The following FER variants were observed in gnomAD, a reference collection of about 807,000 sequenced individuals.
FER encodes FER tyrosine kinase, also known as tyrosine-protein kinase Fer.
In FER, 63 loss-of-function variants were observed where a neutral mutation model predicts 111.0. The observed-to-expected ratio is 0.57, with a 90% CI of 0.46 to 0.70. FER has a LOEUF of 0.70. Ranked by LOEUF, FER falls within the 30% of genes least tolerant of loss-of-function variation. FER has a pLI of 0.00. For missense variants in FER, 914 were observed against 954.0 expected, an observed-to-expected ratio of 0.96 and a Z score of 0.55; for synonymous variants, 327 against 313.9, an observed-to-expected ratio of 1.04 and a Z score of -0.44.
At chr5:109,015,316 G>A (rs929363204) in intron 13 of FER, among the ~76,000 whole-genome samples, 1 of 151,910 alleles carries the variant, frequency 6.6e-6, no homozygotes. Context: ...ACCAGTTCTT[G>A]GCGTCAAATA....
At position 109,022,819 on chromosome 5, in the gene FER, C is replaced by T. The variant is rs556518296; in HGVS notation, c.1657-14603C>T. Among the ~76,000 whole-genome samples, 3 of 152,130 alleles carry T rather than the reference C, an allele frequency of 2.0e-5. No individual in the cohort carries two copies. In the South Asian group the frequency reaches 6.2e-4, roughly 32 times the overall value. On this transcript the variant is annotated intron_variant, in intron 13 of 19. Coordinates refer to ENST00000281092, the MANE Select transcript of FER (RefSeq NM_005246.4). ...GATCAAAATCAACAATAACCAGATGCTTCATCTGCATAAAGAATCAAAAGA... is the reference window on the plus strand; with the variant it reads ...GATCAAAATCAACAATAACCAGATGTTTCATCTGCATAAAGAATCAAAAGA...
intron 17 of FER, among the ~76,000 whole-genome samples, chr5:109,173,712 AAAT>A (rs1325584111): frequency 6.6e-6 from 1 of 152,014 alleles, no homozygotes; most frequent in Non-Finnish European, 1.5e-5. Context: ...TTATCTATTC[AAAT>A]AATTTCTGCT....
intron 13 of FER, among the ~76,000 whole-genome samples, chr5:109,027,953 C>T (rs1177940173): frequency 6.6e-6 from 1 of 152,032 alleles, no homozygotes; most frequent in Non-Finnish European, 1.5e-5. Flanking sequence ...ATAGTGTTTT[C>T]ATTAAAAGTA....
chr5:108,844,990 GTGTGTGTATATATATATATATATATATA>G (rs1561502254), intron 5 of FER, among the ~76,000 whole-genome samples: 5 of 41,814 alleles, frequency 1.2e-4, no homozygotes, highest in African/African-American at 2.0e-4. Context: ...GCTGGTGTGT[GTGTGTGTATATATATATATATATATATA>G]TATATATATA....
At chr5:108,909,546 T>G (rs1424700913) in intron 10 of FER, among the ~76,000 whole-genome samples, 1 of 152,124 alleles carries the variant, frequency 6.6e-6, no homozygotes, top group African/African-American at 2.4e-5. Flanking sequence ...TACACTTCTA[T>G]TCTATATTTA....
At chr5:108,926,364 A>G (rs1753744279) in intron 10 of FER, among the ~76,000 whole-genome samples, 1 of 152,032 alleles carries the variant, frequency 6.6e-6, no homozygotes, top group African/African-American at 2.4e-5. Flanking sequence ...GTTCTACTAC[A>G]TATCTTCAAA....
At chr5:108,872,036 A>C in intron 7 of FER, 57 bp from the exon 8 acceptor site, 1 of 1,517,220 alleles carries the variant, frequency 6.6e-7, no homozygotes, top group Non-Finnish European at 8.9e-7. Flanking sequence ...GTGTATATGA[A>C]GATATATTAT....
chr5:109,054,876 A>C (rs1773424511), intron 16 of FER, among the ~76,000 whole-genome samples: 1 of 152,148 alleles, frequency 6.6e-6, no homozygotes, highest in African/African-American at 2.4e-5. Flanking sequence ...TTTTACCTTC[A>C]TATTAAATTC....
chr5:108,899,223 C>T (rs562555353), intron 10 of FER, among the ~76,000 whole-genome samples: 56 of 152,052 alleles, frequency 3.7e-4, no homozygotes, highest in African/African-American at 1.4e-3. Flanking sequence ...TAATATTGAG[C>T]CATATTAATC....
intron 17 of FER, among the ~76,000 whole-genome samples, chr5:109,152,826 C>T (rs1277868647): frequency 6.6e-6 from 1 of 151,912 alleles, no homozygotes; most frequent in Non-Finnish European, 1.5e-5. Context: ...CACTACCTAT[C>T]TTATTACCAC....
At chr5:108,783,374 T>C (rs1331063802) in intron 2 of FER, among the ~76,000 whole-genome samples, 1 of 152,238 alleles carries the variant, frequency 6.6e-6, no homozygotes, top group Non-Finnish European at 1.5e-5. Context: ...AATTTACAAT[T>C]GATTGTTGAA....
chr5:108,996,085 T>A (rs766022021), intron 13 of FER, among the ~76,000 whole-genome samples: 5 of 152,270 alleles, frequency 3.3e-5, no homozygotes, highest in Admixed American at 6.5e-5. Context: ...TGTCTGTTCA[T>A]ATCCCTTGCC....
chr5:108,803,701 T>G, intron 3 of FER, among the ~76,000 whole-genome samples: 1 of 152,200 alleles, frequency 6.6e-6, no homozygotes, highest in Admixed American at 6.5e-5. Flanking sequence ...ATGTGTCTTT[T>G]TTTGTACCAC....
intron 5 of FER, among the ~76,000 whole-genome samples, chr5:108,844,126 A>ATGTGTGTGAACATATATG (rs1203937596): frequency 6.6e-6 from 1 of 150,964 alleles, no homozygotes; most frequent in Non-Finnish European, 1.5e-5. Flanking sequence ...GAACACATAT[A>ATGTGTGTGAACATATATG]TGTGTGTGAA....
chr5:109,148,171 C>T lies in FER; in HGVS notation c.2049-32576C>T, dbSNP rs1234072160. Among the ~76,000 whole-genome samples the T allele has an allele frequency of 3.3e-5, 5 of 151,954 alleles. 1 individual carries two copies. The highest frequency in any genetic ancestry group is 7.4e-5 in the Non-Finnish European group (5 of 67,952). On this transcript the variant is annotated intron_variant, in intron 17 of 19. Transcript: ENST00000281092. ...ATAATTATCCTGCAACTCCAACTCT[C>T]CAGTGAATAATTAAGAATGGGAATT...
chr5:109,165,244 A>G (rs1216214316), intron 17 of FER, among the ~76,000 whole-genome samples: 3 of 152,198 alleles, frequency 2.0e-5, no homozygotes, highest in Non-Finnish European at 4.4e-5. Context: ...GACACCAGGT[A>G]TACCCCTACA....
intron 10 of FER, among the ~76,000 whole-genome samples, chr5:108,905,970 G>T (rs1281878987): frequency 6.6e-6 from 1 of 152,186 alleles, no homozygotes; most frequent in Non-Finnish European, 1.5e-5. Flanking sequence ...ATGAGTGGTT[G>T]TGATAGAATC....
rs1763597002 is a variant in FER at position 108,862,265 on chromosome 5, A to G, written c.482-5502A>G. Among the ~76,000 whole-genome samples the G allele has an allele frequency of 3.3e-5, 5 of 152,320 alleles. No individual in the cohort carries two copies. In the South Asian group the frequency reaches 1.0e-3, roughly 32 times the overall value. ...CTAATGACTTCAGGCTGTTTGTCAT[A>G]TACTATATTTAATAAAGAAAAAGGT... is the stretch of plus-strand genomic sequence containing the variant. On this transcript the variant is annotated intron_variant, in intron 5 of 19. Transcript: ENST00000281092.
At chr5:109,182,094 T>G (rs1562001131) in intron 18 of FER, among the ~76,000 whole-genome samples, 2 of 152,266 alleles carry the variant, frequency 1.3e-5, no homozygotes. Context: ...CATTCCTTTT[T>G]AGGACTGAAT....
Sources: allele counts gnomAD v4.1 joint callset (sites outside exome capture counted in the v4.1 genomes callset), GRCh38; gene constraint gnomAD v4.1.1; transcripts MANE v1.5; gene names NCBI Gene and HGNC (gene_info 2026-07-23, HGNC 2026-07-21).